THSD4: variants seen among roughly 807,000 people sequenced by gnomAD.
The protein encoded by THSD4 is thrombospondin type-1 domain-containing protein 4.
A neutral mutation model predicts 119.0 loss-of-function variants in THSD4; 69 were observed. The ratio of observed to expected loss-of-function variants is 0.58; its 90% confidence interval spans 0.48 to 0.71. The LOEUF (loss-of-function observed/expected upper bound fraction) is 0.71. Ranked by LOEUF, THSD4 falls within the 30% of genes least tolerant of loss-of-function variation. The probability of loss-of-function intolerance (pLI) is 0.00; values close to 1 mark genes in which losing one functional copy is unlikely to be tolerated. For synonymous variants in THSD4, 524 were observed against 540.4 expected (o/e 0.97, Z 0.42); for missense variants, 1,393 against 1,391.1 (o/e 1.00, Z -0.02).
chr15:71,519,008 G>A (rs1442931478), intron 7 of THSD4, among the ~76,000 whole-genome samples: 1 of 152,220 alleles, frequency 6.6e-6, no homozygotes. Context: ...AATTTCAGAT[G>A]TTGGCAATGC....
intron 7 of THSD4, chr15:71,547,078 A>C (rs1209091673): frequency 2.0e-6 from 1 of 495,090 alleles, no homozygotes; most frequent in Non-Finnish European, 2.7e-6. Flanking sequence ...AACCCTTTTC[A>C]TGAATGAGAC....
chr15:71,107,999 A>C (rs1390899389), intron 1 of THSD4, among the ~76,000 whole-genome samples: 1 of 152,124 alleles, frequency 6.6e-6, no homozygotes, highest in Non-Finnish European at 1.5e-5. Context: ...GCAACCTTCC[A>C]TCTCTCCTCC....
intron 11 of THSD4, among the ~76,000 whole-genome samples, chr15:71,744,205 T>C (rs536519684): frequency 1.2e-4 from 18 of 151,382 alleles, no homozygotes. Flanking sequence ...TAACAAATTC[T>C]GGCTTTTTAT....
At chr15:71,284,394 G>A (rs1365343831) in intron 6 of THSD4, among the ~76,000 whole-genome samples, 1 of 152,128 alleles carries the variant, frequency 6.6e-6, no homozygotes, top group East Asian at 1.9e-4. Context: ...CATAAGTGTT[G>A]GGGCATTCCA....
chr15:71,372,354 T>C (rs2046065069), intron 6 of THSD4, among the ~76,000 whole-genome samples: 1 of 152,366 alleles, frequency 6.6e-6, no homozygotes, highest in African/African-American at 2.4e-5. Context: ...GGAGAGGCAC[T>C]CTGATTTTTA....
At chr15:71,629,131 G>C (rs2050565516) in intron 7 of THSD4, among the ~76,000 whole-genome samples, 1 of 152,164 alleles carries the variant, frequency 6.6e-6, no homozygotes, top group African/African-American at 2.4e-5. Context: ...CTGTCACCGG[G>C]TTGGCTCAAT....
intron 7 of THSD4, chr15:71,547,240 C>A: frequency 7.1e-7 from 1 of 1,405,734 alleles, no homozygotes; most frequent in Non-Finnish European, 9.2e-7. Flanking sequence ...TTCTTCAGAA[C>A]AGAGGCTGAG....
intron 6 of THSD4, among the ~76,000 whole-genome samples, chr15:71,369,710 CA>C (rs1290876827): frequency 6.6e-6 from 1 of 152,126 alleles, no homozygotes; most frequent in African/African-American, 2.4e-5. Flanking sequence ...ATTTTTGCAT[CA>C]ATGTTCATCA....
chr15:71,645,178 G>C (rs2050944165), intron 7 of THSD4, among the ~76,000 whole-genome samples: 1 of 152,124 alleles, frequency 6.6e-6, no homozygotes, highest in African/African-American at 2.4e-5. Flanking sequence ...GATGGTCTTG[G>C]GGTGTATTAG....
At chr15:71,582,522 A>G (rs2049579544) in intron 7 of THSD4, among the ~76,000 whole-genome samples, 2 of 152,094 alleles carry the variant, frequency 1.3e-5, no homozygotes, top group Non-Finnish European at 2.9e-5. Flanking sequence ...TATTATGTTG[A>G]ATAGAAGTGG....
At chr15:71,201,508 C>T (rs1301341384) in intron 3 of THSD4, among the ~76,000 whole-genome samples, 1 of 152,238 alleles carries the variant, frequency 6.6e-6, no homozygotes. Context: ...GGCTTGCCCA[C>T]GCAGTGCCTC....
chr15:71,424,801 G>T (rs2046848528), intron 7 of THSD4, among the ~76,000 whole-genome samples: 1 of 152,038 alleles, frequency 6.6e-6, no homozygotes. Flanking sequence ...TTATAGTTTG[G>T]GGGTGTATGT....
chr15:71,256,481 A>T (rs1178651831), intron 5 of THSD4, 132 bp from the exon 6 acceptor site: 1 of 563,714 alleles, frequency 1.8e-6, no homozygotes, highest in Non-Finnish European at 2.5e-6. Context: ...ATCTCAAAAA[A>T]AAAAAAATAA....
chr15:71,300,972 A>G (rs1306939245), intron 6 of THSD4, among the ~76,000 whole-genome samples: 2 of 152,236 alleles, frequency 1.3e-5, no homozygotes, highest in African/African-American at 4.8e-5. Context: ...TTTAGGACAC[A>G]AGAATTTGCT....
chr15:71,217,089 G>A (rs950624968), intron 4 of THSD4, among the ~76,000 whole-genome samples: 4 of 152,110 alleles, frequency 2.6e-5, no homozygotes, highest in Admixed American at 6.5e-5. Context: ...GAGCCACTGC[G>A]CCTGGCCCAT....
intron 14 of THSD4, among the ~76,000 whole-genome samples, chr15:71,753,921 G>A (rs1029724817): frequency 1.3e-5 from 2 of 152,052 alleles, no homozygotes; most frequent in African/African-American, 4.8e-5. Context: ...TTTTAAATTA[G>A]GTATATGGGG....
At chr15:71,306,307 CAAAAAAAAAAAAA>C (rs67260180) in intron 6 of THSD4, among the ~76,000 whole-genome samples, 13 of 62,936 alleles carry the variant, frequency 2.1e-4, no homozygotes, top group African/African-American at 4.0e-4. Context: ...ACTCTTGCCT[CAAAAAAAAAAAAA>C]AAAAAAAAAA....
At chr15:71,155,084 C>T in intron 3 of THSD4, 152 bp downstream of exon 3, 2 of 713,436 alleles carry the variant, frequency 2.8e-6, no homozygotes, top group South Asian at 1.7e-5. Context: ...CTATTCTGTT[C>T]TCACATTGCT....
intron 6 of THSD4, among the ~76,000 whole-genome samples, chr15:71,260,891 G>A (rs1008056445): frequency 3.9e-5 from 6 of 151,986 alleles, no homozygotes; most frequent in East Asian, 3.9e-4. Flanking sequence ...ACCTGAGGTC[G>A]GGAGTTCGAG....
Sources: gnomAD v4.1 joint callset for allele counts (sites outside exome capture counted in the v4.1 genomes callset) on GRCh38, gnomAD v4.1.1 for gene constraint, MANE v1.5 for transcripts, NCBI Gene and HGNC (gene_info 2026-07-23, HGNC 2026-07-21) for gene names.